The following CNTNAP4 variants were observed in gnomAD, a reference collection of about 807,000 sequenced individuals.
CNTNAP4 encodes contactin-associated protein-like 4.
Under a neutral mutation model 148.4 loss-of-function variants are expected in CNTNAP4, and 98 were observed. That is an observed-to-expected ratio of 0.66 (90% CI 0.56 to 0.78). The LOEUF is 0.78. Among genes scored for constraint, CNTNAP4 ranks in the 30% least tolerant of loss-of-function variants. The pLI, the probability that CNTNAP4 is intolerant of heterozygous loss-of-function variation, is 0.00. For missense variants in CNTNAP4, 1,935 were observed against 1,565.6 expected (o/e 1.24, Z -3.98); for synonymous variants, 730 against 565.1 (o/e 1.29, Z -4.14).
intron 2 of CNTNAP4, among the ~76,000 whole-genome samples, chr16:76,344,611 G>C (rs575413840): frequency 6.6e-6 from 1 of 152,278 alleles, no homozygotes; most frequent in South Asian, 2.1e-4. Context: ...ATTAATAGTT[G>C]AGGAATAACA....
chr16:76,496,310 A>C (rs976369835), intron 14 of CNTNAP4, among the ~76,000 whole-genome samples: 14 of 152,082 alleles, frequency 9.2e-5, no homozygotes, highest in Non-Finnish European at 2.9e-5. Context: ...AGTAATGCTT[A>C]GCAACAATAA....
At chr16:76,500,738 C>A (rs1416291241) in intron 15 of CNTNAP4, among the ~76,000 whole-genome samples, 1 of 151,106 alleles carries the variant, frequency 6.6e-6, no homozygotes, top group Middle Eastern at 3.2e-3. Context: ...AAATATAGTT[C>A]CACTATATTT....
chr16:76,511,211 T>C (rs968204596), intron 15 of CNTNAP4, among the ~76,000 whole-genome samples: 2 of 152,152 alleles, frequency 1.3e-5, no homozygotes, highest in African/African-American at 4.8e-5. Flanking sequence ...GGTAATTCAT[T>C]ACATTGAAAT....
At chr16:76,343,103 T>C (rs1405694632) in intron 2 of CNTNAP4, among the ~76,000 whole-genome samples, 1 of 151,214 alleles carries the variant, frequency 6.6e-6, no homozygotes, top group African/African-American at 2.4e-5. Context: ...ATAACCTATT[T>C]TTTTTTTTTT....
At chr16:76,382,291 A>C (rs989628972) in intron 3 of CNTNAP4, among the ~76,000 whole-genome samples, 4 of 152,148 alleles carry the variant, frequency 2.6e-5, no homozygotes, top group Admixed American at 6.5e-5. Context: ...GTTTATTTCA[A>C]CTATTAAGTT....
At chr16:76,319,695 C>A (rs1567689437) in intron 2 of CNTNAP4, among the ~76,000 whole-genome samples, 1 of 151,974 alleles carries the variant, frequency 6.6e-6, no homozygotes, top group Non-Finnish European at 1.5e-5. Flanking sequence ...CAGAGTAGAC[C>A]AGATGAAGAT....
intron 23 of CNTNAP4, among the ~76,000 whole-genome samples, chr16:76,555,271 C>G (rs577169233): frequency 6.6e-6 from 1 of 152,190 alleles, no homozygotes; most frequent in East Asian, 1.9e-4. Flanking sequence ...ATTTCAGTTG[C>G]TTTTCTGTTT....
intron 8 of CNTNAP4, among the ~76,000 whole-genome samples, chr16:76,457,933 A>C (rs960805729): frequency 2.6e-5 from 4 of 151,994 alleles, no homozygotes; most frequent in Non-Finnish European, 5.9e-5. Flanking sequence ...GGTAGTTTTT[A>C]AATTCTTGCC....
chr16:76,356,161 C>T (rs2012613960), intron 3 of CNTNAP4, among the ~76,000 whole-genome samples: 1 of 152,118 alleles, frequency 6.6e-6, no homozygotes, highest in Admixed American at 6.6e-5. Context: ...AGGCATGAGC[C>T]ACTGAGCCCA....
chr16:76,297,522 G>A (rs1450941513), intron 1 of CNTNAP4, among the ~76,000 whole-genome samples: 1 of 152,138 alleles, frequency 6.6e-6, no homozygotes, highest in African/African-American at 2.4e-5. Flanking sequence ...TAGTACTGAG[G>A]AAGAAGATAA....
chr16:76,376,807 G>A (rs981017878), intron 3 of CNTNAP4, among the ~76,000 whole-genome samples: 1 of 152,182 alleles, frequency 6.6e-6, no homozygotes, highest in African/African-American at 2.4e-5. Flanking sequence ...AAGTACCATG[G>A]AGTCAGAACC....
At chr16:76,319,623 A>G (rs1454690737) in intron 2 of CNTNAP4, among the ~76,000 whole-genome samples, 1 of 152,148 alleles carries the variant, frequency 6.6e-6, no homozygotes, top group Non-Finnish European at 1.5e-5. Flanking sequence ...GGGGGGCTAA[A>G]TCCAATGACT....
At chr16:76,416,066 C>T (rs184863577) in intron 3 of CNTNAP4, among the ~76,000 whole-genome samples, 11 of 150,926 alleles carry the variant, frequency 7.3e-5, no homozygotes, top group African/African-American at 1.5e-4. Context: ...TTATCTTCTG[C>T]CTTTCTTCTT....
At chr16:76,318,187 G>A (rs11864766) in intron 2 of CNTNAP4, among the ~76,000 whole-genome samples, 70,083 of 151,984 alleles carry the variant, frequency 0.46, 16,645 homozygotes, top group African/African-American at 0.56. Context: ...CTTCTTTATA[G>A]AGAAAAACAG....
rs368845837 is a variant in CNTNAP4 at position 76,557,116 on chromosome 16, G to C, written c.3734-1374G>C. 2.0e-5 allele frequency among the ~76,000 whole-genome samples: 3 copies of C among 152,150 alleles called. No homozygotes were observed. In the East Asian group the frequency reaches 5.8e-4, roughly 29 times the overall value. ...AATGACATTAGTTTGTACCTTCACT[G>C]ATCTTATCAGAAAATTCTTTAAGTA... On this transcript the variant is annotated intron_variant, in intron 23 of 23. Transcript: ENST00000611870.
chr16:76,383,266 G>C (rs1027852729), intron 3 of CNTNAP4, among the ~76,000 whole-genome samples: 3 of 151,924 alleles, frequency 2.0e-5, no homozygotes, highest in African/African-American at 7.3e-5. Flanking sequence ...AATGTACCTA[G>C]AGAACATCAG....
Position 76,331,730 on chromosome 16 carries a change from TTTAAA to T in CNTNAP4, c.196+15211_196+15215del, listed in dbSNP as rs1269753289. ...TAATTATTGTTTTATGCATTTGTCTTTTAAATTATATAGGAAGAAAAGGGGAATTA... is the reference window on the plus strand; with the variant it reads ...TAATTATTGTTTTATGCATTTGTCTTTTATATAGGAAGAAAAGGGGAATTA... On this transcript the variant is annotated intron_variant, in intron 2 of 23. Transcript: ENST00000611870. 3.9e-5 allele frequency among the ~76,000 whole-genome samples: 6 copies of T among 152,304 alleles called. No individual in the cohort carries two copies. In the East Asian group the frequency reaches 1.2e-3, roughly 29 times the overall value.
intron 21 of CNTNAP4, among the ~76,000 whole-genome samples, chr16:76,550,646 ATTTTCT>A (rs1401512560): frequency 2.0e-5 from 3 of 148,346 alleles, no homozygotes; most frequent in African/African-American, 7.4e-5. Context: ...TTTAATTTTT[ATTTTCT>A]TTTTAATTTC....
chr16:76,452,227 G>A lies in CNTNAP4; in HGVS notation c.1072-281G>A, dbSNP rs147682143. The stretch of plus-strand genomic sequence containing the variant: ...ATTCATAATAGAGCCAAATGTTTTC[G>A]TTTGACCAAGACCAAATGTTTTATT... On this transcript the variant is annotated intron_variant, in intron 7 of 23. Coordinates refer to ENST00000611870, the MANE Select transcript of CNTNAP4 (RefSeq NM_033401.5). Among the ~76,000 whole-genome samples the A allele has an allele frequency of 7.8e-4, 118 of 152,158 alleles. 1 individual carries two copies. Among genetic ancestry groups the A allele is most frequent in the African/African-American group, 2.6e-3 (109 of 41,534 alleles).
Sources: allele counts gnomAD v4.1 joint callset (sites outside exome capture counted in the v4.1 genomes callset), GRCh38; gene constraint gnomAD v4.1.1; transcripts MANE v1.5; gene names NCBI Gene and HGNC (gene_info 2026-07-23, HGNC 2026-07-21).